Variants in ACYP1 observed in about 807,000 individuals in gnomAD.
The protein encoded by ACYP1 is acylphosphatase 1.
ACYP1 carries 8 observed loss-of-function variants against 10.4 expected under a neutral mutation model. The observed-to-expected ratio is 0.77, with a 90% CI of 0.45 to 1.38. ACYP1 has a LOEUF of 1.38. Among genes scored for constraint, ACYP1 ranks in the 40% most tolerant of loss-of-function variants. ACYP1 has a pLI of 0.00. For synonymous variants in ACYP1, 38 were observed against 40.8 expected (o/e 0.93, Z 0.26); for missense variants, 93 against 117.3 (o/e 0.79, Z 0.96).
intron 1 of ACYP1, among the ~76,000 whole-genome samples, chr14:75,069,027 G>C (rs753148034): frequency 2.6e-5 from 4 of 152,220 alleles, no homozygotes; most frequent in African/African-American, 4.8e-5. Context: ...ACATTTGGCT[G>C]AGTCATTCCT....
intron 1 of ACYP1, 34 bp downstream of exon 1, chr14:75,063,920 G>A: frequency 9.9e-7 from 1 of 1,009,146 alleles, no homozygotes; most frequent in Non-Finnish European, 1.2e-6. Flanking sequence ...TAATCGACCT[G>A]AGAAGCACAC....
intron 2 of ACYP1, among the ~76,000 whole-genome samples, chr14:75,062,042 G>A (rs948355986): frequency 3.6e-5 from 5 of 139,794 alleles, no homozygotes; most frequent in South Asian, 2.3e-4. Flanking sequence ...CGGACGTTGC[G>A]GTGAGCTGAG....
At chr14:75,067,982 G>C (rs879582375), upstream of ACYP1, among the ~76,000 whole-genome samples, 2 of 141,958 alleles carry the variant, frequency 1.4e-5, no homozygotes, top group Non-Finnish European at 3.1e-5. Context: ...CTGGGCAACA[G>C]AGTGAGGCCC....
chr14:75,068,524 AGAG>A (rs1490409214), upstream of ACYP1, among the ~76,000 whole-genome samples: 9 of 151,986 alleles, frequency 5.9e-5, no homozygotes, highest in South Asian at 8.3e-4. Flanking sequence ...AGACAGAAAC[AGAG>A]GAGAGAGGGA....
upstream of ACYP1, among the ~76,000 whole-genome samples, chr14:75,068,379 G>T (rs1454731787): frequency 6.6e-6 from 1 of 152,132 alleles, no homozygotes; most frequent in Non-Finnish European, 1.5e-5. Context: ...CAGGGGTAAA[G>T]TGATGGAGTC....
At chr14:75,069,219 G>A (rs762162750) in exon 1 of ACYP1, 3 of 1,511,094 alleles carry the variant, frequency 2.0e-6, no homozygotes, top group Middle Eastern at 1.7e-4. Context: ...CCTGGGGCCC[G>A]CCCAGCGCAG....
intron 2 of ACYP1, chr14:75,061,756 T>G: frequency 6.3e-7 from 1 of 1,579,542 alleles, no homozygotes; most frequent in Non-Finnish European, 8.6e-7. Flanking sequence ...TTTTCAACAG[T>G]CATTTCCTAT....
At chr14:75,062,099 CTCAAA>C (rs1893032124) in intron 2 of ACYP1, among the ~76,000 whole-genome samples, 1 of 6,840 alleles carries the variant, frequency 1.5e-4, no homozygotes, top group African/African-American at 4.3e-4. Context: ...GAAACTCTGT[CTCAAA>C]AAAAAAAAAA....
At chr14:75,055,084 T>A (rs1178488495) in intron 2 of ACYP1, among the ~76,000 whole-genome samples, 1 of 130,048 alleles carries the variant, frequency 7.7e-6, no homozygotes, top group Non-Finnish European at 1.6e-5. Flanking sequence ...GAACTCTTTT[T>A]TTTTTTTTTT....
At chr14:75,069,079 A>G in intron 1 of ACYP1, 1 of 944,670 alleles carries the variant, frequency 1.1e-6, no homozygotes, top group Non-Finnish European at 1.5e-6. Context: ...CGTGAGTAAA[A>G]CATTATAATA....
At chr14:75,055,502 T>A (rs983873292) in intron 2 of ACYP1, among the ~76,000 whole-genome samples, 1 of 151,520 alleles carries the variant, frequency 6.6e-6, no homozygotes, top group Non-Finnish European at 1.5e-5. Context: ...TTTTTAATGA[T>A]GACATAATGT....
intron 2 of ACYP1, chr14:75,060,277 A>G (rs929815261): frequency 1.4e-6 from 1 of 692,392 alleles, no homozygotes; most frequent in Non-Finnish European, 2.6e-6. Context: ...AAACAAACAA[A>G]CAACCACAAT....
chr14:75,054,679 T>G (rs964752012), intron 2 of ACYP1, among the ~76,000 whole-genome samples: 1 of 151,540 alleles, frequency 6.6e-6, no homozygotes. Context: ...GATGAGGAAT[T>G]TAAGTATCCA....
At chr14:75,053,890 A>C (rs1892811132) in intron 2 of ACYP1, among the ~76,000 whole-genome samples, 1 of 152,186 alleles carries the variant, frequency 6.6e-6, no homozygotes, top group Non-Finnish European at 1.5e-5. Context: ...AGGCACTAGA[A>C]TTTTTCACTG....
chr14:75,059,816 C>G (rs2139653095), intron 2 of ACYP1: 1 of 155,142 alleles, frequency 6.4e-6, no homozygotes, highest in East Asian at 1.9e-4. Flanking sequence ...TGATATAACA[C>G]AGATGAACCC....
At chr14:75,058,112 G>C (rs897633989) in intron 2 of ACYP1, among the ~76,000 whole-genome samples, 2 of 150,892 alleles carry the variant, frequency 1.3e-5, no homozygotes, top group African/African-American at 4.9e-5. Flanking sequence ...TGTTTCCACT[G>C]TGAGGCAGGG....
intron 2 of ACYP1, among the ~76,000 whole-genome samples, chr14:75,062,299 C>T (rs1893044089): frequency 6.7e-6 from 1 of 149,150 alleles, no homozygotes; most frequent in African/African-American, 2.5e-5. Flanking sequence ...GGTGTGGCGG[C>T]ATGCACCTGT....
At chr14:75,065,487 T>C (rs2139663006), upstream of ACYP1, among the ~76,000 whole-genome samples, 1 of 152,338 alleles carries the variant, frequency 6.6e-6, no homozygotes, top group East Asian at 1.9e-4. Flanking sequence ...TAGAGTATCT[T>C]GCTAATGGTA....
intron 2 of ACYP1, chr14:75,060,138 G>T: frequency 1.8e-6 from 1 of 567,300 alleles, no homozygotes; most frequent in South Asian, 2.4e-5. Context: ...AGAAGTAAGT[G>T]TGCTATATGG....
Sources: gnomAD v4.1 joint callset for allele counts (sites outside exome capture counted in the v4.1 genomes callset) on GRCh38, gnomAD v4.1.1 for gene constraint, MANE v1.5 for transcripts, NCBI Gene and HGNC (gene_info 2026-07-23, HGNC 2026-07-21) for gene names.